UBXN11: variants seen among roughly 807,000 people sequenced by gnomAD.
UBXN11 encodes UBX domain protein 11.
Under a neutral mutation model 62.8 loss-of-function variants are expected in UBXN11, and 47 were observed. The observed-to-expected ratio is 0.75, with a 90% CI of 0.59 to 0.95. The LOEUF (loss-of-function observed/expected upper bound fraction) is 0.95, where lower values mean the gene tolerates loss of function less well. Among genes scored for constraint, UBXN11 ranks in the 40% least tolerant of loss-of-function variants. UBXN11 has a pLI of 0.00. For missense variants in UBXN11, 638 were observed against 661.7 expected, an observed-to-expected ratio of 0.96 and a Z score of 0.39; for synonymous variants, 294 against 267.0, an observed-to-expected ratio of 1.10 and a Z score of -0.99.
At chr1:26,309,873 GA>G (rs1376170517), upstream of UBXN11, among the ~76,000 whole-genome samples, 1 of 152,038 alleles carries the variant, frequency 6.6e-6, no homozygotes, top group Non-Finnish European at 1.5e-5. Flanking sequence ...GACAACAGCT[GA>G]AAAAAATATA....
In UBXN11 at chr1:26,282,398, A is replaced by AGTC. The variant is rs2073016880; in HGVS notation, c.1463_1464insGAC (p.Gly488_Pro489insThr). ...GACCGGGACTGGGGCCGGGACCGGG[A>AGTC]CCGGGACAGGGACCAGGACTGAATT... On this transcript the variant is annotated inframe_insertion, in exon 15 of 15. Coordinates refer to ENST00000374222, the MANE Select transcript of UBXN11 (RefSeq NM_001389556.1). The AGTC allele has an allele frequency of 4.1e-6, 2 of 493,578 alleles. No homozygotes were observed. The highest frequency in any genetic ancestry group is 7.8e-5 in the African/African-American group (2 of 25,590). 30.6% of individuals were successfully genotyped at this position (493,578 alleles called of 1,614,324 possible).
At chr1:26,316,259 T>G (rs1220186227) in intron 1 of UBXN11, among the ~76,000 whole-genome samples, 1 of 151,380 alleles carries the variant, frequency 6.6e-6, no homozygotes, top group Non-Finnish European at 1.5e-5. Context: ...GTAGCCCCTA[T>G]GCCCAGCCTC....
At chr1:26,296,855 G>A in intron 7 of UBXN11, 64 bp downstream of exon 7, 1 of 1,524,488 alleles carries the variant, frequency 6.6e-7, no homozygotes, top group South Asian at 1.2e-5. Flanking sequence ...AGCTCCTGAG[G>A]AACATGCCGT....
intron 1 of UBXN11, among the ~76,000 whole-genome samples, chr1:26,316,805 C>G (rs2073799478): frequency 6.6e-6 from 1 of 151,414 alleles, no homozygotes; most frequent in African/African-American, 2.4e-5. Context: ...CTCACAGCCA[C>G]TCTCTCACCC....
At chr1:26,309,813 T>G (rs928515355), upstream of UBXN11, among the ~76,000 whole-genome samples, 2 of 152,176 alleles carry the variant, frequency 1.3e-5, no homozygotes, top group African/African-American at 4.8e-5. Flanking sequence ...CTAGGATTAT[T>G]GTACAAATTA....
Position 26,294,301 on chromosome 1 carries a change from C to A in UBXN11, c.463G>T (p.Val155Leu). 3.1e-6 allele frequency: 5 copies of A among 1,614,166 alleles called. No individual in the cohort carries two copies. Among genetic ancestry groups the A allele is most frequent in the Non-Finnish European group, 4.2e-6 (5 of 1,180,000 alleles). ...TCCTCCTGGTCCATGGGCTCGCCCA[C>A]CCACTGCAGGCCATAGTCACTGAGG... ...RFLSDYGLQW[V>L]GEPMDQEDSE... Residue 155 changes from valine (V) to leucine (L), a missense_variant, in exon 8 of 15, where the codon GTG (valine) becomes TTG (leucine). Physicochemically the swap from Val to Leu is conservative, Grantham distance 32. Coordinates refer to ENST00000374222, the MANE Select transcript of UBXN11 (RefSeq NM_001389556.1).
intron 4 of UBXN11, among the ~76,000 whole-genome samples, chr1:26,299,948 T>C (rs1206050996): frequency 6.6e-6 from 1 of 152,100 alleles, no homozygotes; most frequent in African/African-American, 2.4e-5. Context: ...TGAGCCATGA[T>C]CGCACCACTG....
At chr1:26,284,653 C>G (rs1432457120) in intron 10 of UBXN11, 171 bp from the exon 11 acceptor site, 6 of 1,378,700 alleles carry the variant, frequency 4.4e-6, no homozygotes, top group Non-Finnish European at 5.7e-6. Context: ...CTGCTGTCAT[C>G]TCCCTCAGCC....
At chr1:26,305,535 A>G (rs2073645324) in intron 1 of UBXN11, among the ~76,000 whole-genome samples, 1 of 152,026 alleles carries the variant, frequency 6.6e-6, no homozygotes, top group African/African-American at 2.4e-5. Context: ...GCAACCACAA[A>G]TCTACTTTCT....
At chr1:26,283,539 C>T (rs11801317) in intron 12 of UBXN11, among the ~76,000 whole-genome samples, 22,613 of 152,048 alleles carry the variant, frequency 0.15, 1,894 homozygotes, top group South Asian at 0.22. Context: ...GGAAGGCAGC[C>T]TGGAGGATGG....
intron 7 of UBXN11, 60 bp from the exon 8 acceptor site, chr1:26,294,391 G>A (rs1223120281): frequency 6.9e-6 from 11 of 1,591,470 alleles, no homozygotes; most frequent in African/African-American, 4.0e-5. Flanking sequence ...CCAGGGAAAG[G>A]CAGTGTCAGC....
upstream of UBXN11, chr1:26,306,718 A>C (rs904074606): frequency 4.6e-5 from 7 of 150,982 alleles, no homozygotes; most frequent in African/African-American, 1.7e-4. Flanking sequence ...CAGACAGCGA[A>C]GGTGGATACA....
chr1:26,285,190 G>A (rs978983941), intron 10 of UBXN11: 1 of 1,239,900 alleles, frequency 8.1e-7, no homozygotes. Flanking sequence ...AGGTTGTCAA[G>A]GTGTCCTGAA....
In UBXN11 at chr1:26,305,378, G is replaced by C. The variant is rs375096526; in HGVS notation, c.-36+1214C>G. On this transcript the variant is annotated intron_variant, in intron 1 of 14. Coordinates refer to ENST00000374222, the MANE Select transcript of UBXN11 (RefSeq NM_001389556.1). Reference sequence around the variant, plus strand: ...AATTCACATATTTCACCTTCTTACAGTGTAATTTTCTTTTTAGTATATTCA... The same window carrying C: ...AATTCACATATTTCACCTTCTTACACTGTAATTTTCTTTTTAGTATATTCA... Among the ~76,000 whole-genome samples, 219 of 152,208 alleles carry C rather than the reference G, an allele frequency of 1.4e-3. 6 individuals are homozygous for C. In the South Asian group the frequency reaches 0.043, roughly 30 times the overall value.
At position 26,298,482 on chromosome 1, in the gene UBXN11, G is replaced by A. The variant is rs146325622; in HGVS notation, c.200-420C>T. ...AAACTGCCAGACAAAGCCAGAATGC[G>A]GGGTGCTGTAGAAAACAGTAGCCAG... On this transcript the variant is annotated intron_variant, in intron 4 of 14. Coordinates refer to ENST00000374222, the MANE Select transcript of UBXN11 (RefSeq NM_001389556.1). Among the ~76,000 whole-genome samples the A allele has an allele frequency of 5.9e-3, 903 of 152,208 alleles. 9 individuals are homozygous for A. Among genetic ancestry groups the A allele is most frequent in the African/African-American group, 0.019 (791 of 41,512 alleles).
chr1:26,284,268 G>A (rs751265338), intron 11 of UBXN11, 23 bp from the exon 12 acceptor site: 1 of 1,607,290 alleles, frequency 6.2e-7, no homozygotes, highest in East Asian at 2.2e-5. Flanking sequence ...TTGGGAACCG[G>A]GGCCCAGGAA....
At chr1:26,303,390 CG>C (rs2073585463) in intron 1 of UBXN11, among the ~76,000 whole-genome samples, 3 of 151,942 alleles carry the variant, frequency 2.0e-5, no homozygotes, top group Non-Finnish European at 4.4e-5. Context: ...AGACACAGGC[CG>C]AGGTGGGTGG....
chr1:26,303,630 CAAAAA>C (rs5773154), intron 1 of UBXN11, among the ~76,000 whole-genome samples: 1 of 80,072 alleles, frequency 1.2e-5, no homozygotes, highest in East Asian at 4.3e-4. Context: ...AACTCCATCT[CAAAAA>C]AAAAAAAAAA....
At chr1:26,300,880 C>A in intron 4 of UBXN11, 46 bp downstream of exon 4, 1 of 1,613,710 alleles carries the variant, frequency 6.2e-7, no homozygotes, top group Admixed American at 1.7e-5. Context: ...TCTCTGGGGC[C>A]CCCTCCTGCA....
Sources: allele counts gnomAD v4.1 joint callset (sites outside exome capture counted in the v4.1 genomes callset), GRCh38; gene constraint gnomAD v4.1.1; transcripts MANE v1.5; gene names NCBI Gene and HGNC (gene_info 2026-07-23, HGNC 2026-07-21).